The following INSYN2B variants were observed in gnomAD, a reference collection of about 807,000 sequenced individuals.
INSYN2B encodes the protein protein INSYN2B.
Under a neutral mutation model 41.2 loss-of-function variants are expected in INSYN2B, and 16 were observed. That is an observed-to-expected ratio of 0.39 (90% CI 0.26 to 0.59). The LOEUF is 0.59. Among genes scored for constraint, INSYN2B ranks in the 20% least tolerant of loss-of-function variants. INSYN2B has a pLI of 0.57. For synonymous variants in INSYN2B, 245 were observed against 244.4 expected (o/e 1.00, Z -0.02); for missense variants, 608 against 646.4 (o/e 0.94, Z 0.64).
chr5:169,969,516 A>G (rs965682615), intron 1 of INSYN2B, among the ~76,000 whole-genome samples: 4 of 152,254 alleles, frequency 2.6e-5, no homozygotes, highest in African/African-American at 7.2e-5. Flanking sequence ...TGGCTTTTGC[A>G]AATACCAAAT....
At chr5:169,964,913 C>T (rs938826437) in intron 1 of INSYN2B, among the ~76,000 whole-genome samples, 4 of 152,218 alleles carry the variant, frequency 2.6e-5, no homozygotes, top group African/African-American at 7.2e-5. Flanking sequence ...GGTGAGTCTC[C>T]GTCGCTCATG....
intron 1 of INSYN2B, among the ~76,000 whole-genome samples, chr5:169,892,176 G>A (rs571597380): frequency 6.6e-6 from 1 of 152,162 alleles, no homozygotes; most frequent in South Asian, 2.1e-4. Context: ...ATAAAGTGGA[G>A]TTGTTCTAGA....
At chr5:169,943,469 C>A (rs563354315) in intron 1 of INSYN2B, among the ~76,000 whole-genome samples, 1 of 152,270 alleles carries the variant, frequency 6.6e-6, no homozygotes, top group South Asian at 2.1e-4. Flanking sequence ...GGAGTTTTCA[C>A]ATAAAAAGAT....
chr5:169,934,186 G>A (rs1322729756), intron 1 of INSYN2B, among the ~76,000 whole-genome samples: 1 of 152,124 alleles, frequency 6.6e-6, no homozygotes, highest in Non-Finnish European at 1.5e-5. Context: ...ACTGGGGCGG[G>A]GCTTATGCCA....
chr5:169,900,247 TG>T (rs1234903512), intron 1 of INSYN2B, among the ~76,000 whole-genome samples: 4 of 152,158 alleles, frequency 2.6e-5, no homozygotes, highest in Non-Finnish European at 5.9e-5. Flanking sequence ...GGCCCTAACC[TG>T]TTGGGACCTT....
intron 1 of INSYN2B, among the ~76,000 whole-genome samples, chr5:169,972,902 C>A (rs1777575819): frequency 6.6e-6 from 1 of 152,098 alleles, no homozygotes; most frequent in Non-Finnish European, 1.5e-5. Context: ...TCCAAGCAAC[C>A]ACCCCCCTCC....
chr5:169,911,859 T>C (rs1219746319), intron 1 of INSYN2B, among the ~76,000 whole-genome samples: 1 of 152,234 alleles, frequency 6.6e-6, no homozygotes, highest in Non-Finnish European at 1.5e-5. Flanking sequence ...AAGTGTTTTC[T>C]ACCAACTGCT....
intron 3 of INSYN2B, among the ~76,000 whole-genome samples, chr5:169,880,310 C>A (rs1772564213): frequency 6.6e-6 from 1 of 152,234 alleles, no homozygotes; most frequent in South Asian, 2.1e-4. Context: ...GTGCAAGCAC[C>A]TTCTGCCTTC....
At chr5:169,947,988 A>T (rs1776513560) in intron 1 of INSYN2B, among the ~76,000 whole-genome samples, 1 of 152,102 alleles carries the variant, frequency 6.6e-6, no homozygotes, top group South Asian at 2.1e-4. Context: ...CAGGGTCAGG[A>T]TTTGTCATTC....
chr5:169,874,968 T>C (rs1772228821), intron 3 of INSYN2B, among the ~76,000 whole-genome samples: 1 of 152,082 alleles, frequency 6.6e-6, no homozygotes, highest in South Asian at 2.1e-4. Flanking sequence ...GCCTCCATTC[T>C]CACCTTTACC....
intron 1 of INSYN2B, among the ~76,000 whole-genome samples, chr5:169,945,670 G>A (rs769186825): frequency 6.6e-6 from 1 of 152,204 alleles, no homozygotes; most frequent in Non-Finnish European, 1.5e-5. Context: ...ACGGGTACTA[G>A]GAAGGAGTAG....
chr5:169,964,715 T>C (rs749079711), intron 1 of INSYN2B, among the ~76,000 whole-genome samples: 3 of 152,218 alleles, frequency 2.0e-5, no homozygotes, highest in Non-Finnish European at 4.4e-5. Context: ...TCAAATCTTA[T>C]TGGTGCCATG....
At chr5:169,892,374 T>C (rs1445839173) in intron 1 of INSYN2B, among the ~76,000 whole-genome samples, 3 of 152,240 alleles carry the variant, frequency 2.0e-5, no homozygotes, top group Admixed American at 6.5e-5. Flanking sequence ...GAGCAGGAGC[T>C]AGGTGAACAT....
intron 3 of INSYN2B, among the ~76,000 whole-genome samples, chr5:169,877,829 C>T (rs1011124871): frequency 5.3e-5 from 8 of 152,164 alleles, no homozygotes; most frequent in Admixed American, 5.2e-4. Flanking sequence ...CTATTTCTCT[C>T]ACCTCTCTAG....
At chr5:169,920,092 A>T (rs1249005223) in intron 1 of INSYN2B, among the ~76,000 whole-genome samples, 2 of 152,192 alleles carry the variant, frequency 1.3e-5, no homozygotes, top group East Asian at 1.9e-4. Flanking sequence ...TCCGGTGAAT[A>T]GTTAAAGAAA....
intron 1 of INSYN2B, among the ~76,000 whole-genome samples, chr5:169,969,604 G>A (rs1409523860): frequency 1.3e-5 from 2 of 152,238 alleles, no homozygotes; most frequent in African/African-American, 4.8e-5. Flanking sequence ...ATGCCATTCT[G>A]CGGAGGCATT....
At chr5:169,914,447 G>A (rs1774768816) in intron 1 of INSYN2B, among the ~76,000 whole-genome samples, 1 of 152,170 alleles carries the variant, frequency 6.6e-6, no homozygotes, top group Non-Finnish European at 1.5e-5. Context: ...ACAGGCTCCT[G>A]TTTTATGGGG....
intron 1 of INSYN2B, among the ~76,000 whole-genome samples, chr5:169,960,185 A>G (rs1777027477): frequency 6.6e-6 from 1 of 152,246 alleles, no homozygotes; most frequent in South Asian, 2.1e-4. Context: ...AATTTCCACC[A>G]GTGTATAGTT....
intron 1 of INSYN2B, among the ~76,000 whole-genome samples, chr5:169,953,769 C>T (rs1454506534): frequency 5.3e-5 from 8 of 152,120 alleles, no homozygotes; most frequent in Non-Finnish European, 8.8e-5. Flanking sequence ...GTTTTCTCCT[C>T]GGGAGACACC....
Sources: allele counts gnomAD v4.1 joint callset (sites outside exome capture counted in the v4.1 genomes callset), GRCh38; gene constraint gnomAD v4.1.1; transcripts MANE v1.5; gene names NCBI Gene and HGNC (gene_info 2026-07-23, HGNC 2026-07-21).